Variants in BTAF1 observed in about 807,000 individuals in gnomAD.
BTAF1 encodes the protein B-TFIID TATA-box binding protein associated factor 1, also known as TATA-binding protein-associated factor 172.
Under a neutral mutation model 227.1 loss-of-function variants are expected in BTAF1, and 38 were observed. That is an observed-to-expected ratio of 0.17 (90% CI 0.13 to 0.22). BTAF1 has a LOEUF of 0.22. Among genes scored for constraint, BTAF1 ranks in the 10% least tolerant of loss-of-function variants. The probability of loss-of-function intolerance (pLI) is 1.00; values close to 1 mark genes in which losing one functional copy is unlikely to be tolerated. For synonymous variants in BTAF1, 742 were observed against 751.9 expected (o/e 0.99, Z 0.21); for missense variants, 1,598 against 2,204.0 (o/e 0.73, Z 5.51).
chr10:91,973,593 A>G (rs1847464900), intron 14 of BTAF1, among the ~76,000 whole-genome samples: 1 of 152,188 alleles, frequency 6.6e-6, no homozygotes, highest in Admixed American at 6.5e-5. Context: ...AGATGAGAGA[A>G]CTGATAATCA....
intron 1 of BTAF1, among the ~76,000 whole-genome samples, chr10:91,929,644 G>A (rs906616799): frequency 1.3e-5 from 2 of 152,178 alleles, no homozygotes; most frequent in Non-Finnish European, 2.9e-5. Flanking sequence ...AAATGTTAAT[G>A]TAGAAAAAAC....
At chr10:91,956,229 A>G (rs1846075317) in intron 6 of BTAF1, among the ~76,000 whole-genome samples, 1 of 152,158 alleles carries the variant, frequency 6.6e-6, no homozygotes, top group Non-Finnish European at 1.5e-5. Context: ...AAAGATGATG[A>G]GCTGATTGTA....
chr10:91,952,509 A>G (rs1845840811), intron 5 of BTAF1, among the ~76,000 whole-genome samples: 1 of 152,202 alleles, frequency 6.6e-6, no homozygotes, highest in African/African-American at 2.4e-5. Context: ...TTAGGGGTCC[A>G]TGGGCTGCAT....
chr10:91,950,275 G>A (rs574134940), intron 4 of BTAF1, among the ~76,000 whole-genome samples: 4 of 151,264 alleles, frequency 2.6e-5, no homozygotes, highest in East Asian at 1.9e-4. Context: ...GTAGCTTTTC[G>A]CTTTTGTAGC....
chr10:91,928,587 T>C (rs1844028768), intron 1 of BTAF1, among the ~76,000 whole-genome samples: 1 of 152,180 alleles, frequency 6.6e-6, no homozygotes, highest in African/African-American at 2.4e-5. Context: ...TTTCAGTGTT[T>C]CTTGTGAATA....
At chr10:91,991,279 T>TATATATATATATATATAAAA (rs1256838673) in intron 20 of BTAF1, among the ~76,000 whole-genome samples, 7 of 98,436 alleles carry the variant, frequency 7.1e-5, no homozygotes, top group African/African-American at 2.1e-4. Context: ...TAAATATATA[T>TATATATATATATATATAAAA]ATATATATAT....
Position 91,923,918 on chromosome 10 carries a change from G to A in BTAF1, c.-159G>A, listed in dbSNP as rs1843649271. ...GGGGACGAGCTCGGGTAGGCGGCAGGGCAGATGCCCGAGGGCCTGCGCTGG... is the reference window on the plus strand; with the variant it reads ...GGGGACGAGCTCGGGTAGGCGGCAGAGCAGATGCCCGAGGGCCTGCGCTGG... On this transcript the variant is annotated 5_prime_UTR_variant, in exon 1 of 38. Coordinates refer to ENST00000265990, the MANE Select transcript of BTAF1 (RefSeq NM_003972.3). The A allele has an allele frequency of 2.3e-6, 2 of 857,904 alleles. 1 individual carries two copies. The highest frequency in any genetic ancestry group is 4.6e-5 in the South Asian group (2 of 43,374). 53.1% of individuals were successfully genotyped at this position (857,904 alleles called of 1,614,324 possible).
intron 14 of BTAF1, among the ~76,000 whole-genome samples, chr10:91,980,249 G>A (rs1414241957): frequency 6.6e-6 from 1 of 152,094 alleles, no homozygotes; most frequent in Non-Finnish European, 1.5e-5. Flanking sequence ...GTGATTATAT[G>A]TTGTTATTTC....
At chr10:91,990,563 G>A (rs1848665387) in intron 20 of BTAF1, among the ~76,000 whole-genome samples, 1 of 152,168 alleles carries the variant, frequency 6.6e-6, no homozygotes, top group East Asian at 1.9e-4. Flanking sequence ...GGGAGGCCGA[G>A]GCAGGCGGAT....
intron 32 of BTAF1, among the ~76,000 whole-genome samples, chr10:92,016,110 C>T (rs889708949): frequency 1.3e-5 from 2 of 152,006 alleles, no homozygotes; most frequent in African/African-American, 4.8e-5. Flanking sequence ...CATATTTTGG[C>T]AGCCGAACTT....
chr10:91,986,834 A>T (rs905218827), intron 19 of BTAF1, among the ~76,000 whole-genome samples: 2 of 151,934 alleles, frequency 1.3e-5, no homozygotes, highest in East Asian at 3.9e-4. Flanking sequence ...TCTCTGGGAG[A>T]GACTTTTTTT....
chr10:91,959,677 C>A (rs1265420577), intron 9 of BTAF1, 108 bp from the exon 10 acceptor site: 3 of 471,024 alleles, frequency 6.4e-6, no homozygotes, highest in Non-Finnish European at 9.2e-6. Flanking sequence ...GTCCCCAGTA[C>A]AAAGTATGAT....
chr10:91,968,155 C>T (rs1564681319), intron 14 of BTAF1, among the ~76,000 whole-genome samples: 1 of 152,136 alleles, frequency 6.6e-6, no homozygotes. Context: ...CAGTATCATA[C>T]AGAGTAGTTT....
At chr10:92,010,654 T>G (rs1275829354) in intron 28 of BTAF1, among the ~76,000 whole-genome samples, 2 of 152,198 alleles carry the variant, frequency 1.3e-5, no homozygotes, top group African/African-American at 4.8e-5. Flanking sequence ...TGGCCTTGTT[T>G]GGGTCATGCT....
At chr10:92,017,682 A>G (rs1403220524) in intron 33 of BTAF1, among the ~76,000 whole-genome samples, 1 of 151,714 alleles carries the variant, frequency 6.6e-6, no homozygotes, top group African/African-American at 2.4e-5. Flanking sequence ...GCTAATTTTT[A>G]AAAATTTTTT....
intron 34 of BTAF1, among the ~76,000 whole-genome samples, chr10:92,022,287 C>G (rs1851195429): frequency 6.6e-6 from 1 of 152,154 alleles, no homozygotes; most frequent in Non-Finnish European, 1.5e-5. Flanking sequence ...CTTAATATAA[C>G]TGGTTATCTT....
intron 8 of BTAF1, 28 bp downstream of exon 8, chr10:91,957,321 C>G (rs768713769): frequency 6.4e-7 from 1 of 1,565,634 alleles, no homozygotes; most frequent in Admixed American, 1.7e-5. Context: ...CAGTTTTTCT[C>G]AGCTCTATTT....
rs1380376823 is a variant in BTAF1 at position 91,980,458 on chromosome 10, C to A, written c.1655C>A (p.Ser552Tyr). 6.2e-7 allele frequency: 1 copy of A among 1,610,376 alleles called. No homozygotes were observed. The highest frequency in any genetic ancestry group is 8.5e-7 in the Non-Finnish European group (1 of 1,177,354). ...TAATTCTGTTTTTGTTTTCAGAACT[C>A]TTCATCTTGGCTTATACCTATACTG... is the stretch of plus-strand genomic sequence containing the variant. ...FTLLSTQDQN[S>Y]SSWLIPILPD... The change falls in exon 15 of 38, where the codon TCT (serine) becomes TAT (tyrosine). Residue 552 changes from serine to tyrosine, a missense_variant. Ser to Tyr is a moderately radical substitution (Grantham distance 144, BLOSUM62 -2). Around this residue, in one of 10 missense-constraint regions of BTAF1, gnomAD observed 318 missense variants for 435.0 expected, o/e 0.73. Transcript: ENST00000265990.
Position 91,999,479 on chromosome 10 carries a change from C to CT in BTAF1, c.3660+1729dup, listed in dbSNP as rs1849357669. Among the ~76,000 whole-genome samples, 3 of 152,272 alleles carry CT rather than the reference C, an allele frequency of 2.0e-5. No individual in the cohort carries two copies. In the South Asian group the frequency reaches 6.2e-4, roughly 32 times the overall value. On this transcript the variant is annotated intron_variant, in intron 25 of 37. Transcript: ENST00000265990. ...GCGCGACCTCAGCTCACTGCAACCT[C>CT]TGCCTCCCGGGTTCAAGCGATTCTC...
Sources: allele counts gnomAD v4.1 joint callset (sites outside exome capture counted in the v4.1 genomes callset), GRCh38; gene constraint gnomAD v4.1.1; regional missense constraint gnomAD v4.1.1; transcripts MANE v1.5; gene names NCBI Gene and HGNC (gene_info 2026-07-23, HGNC 2026-07-21).